The following ATP6V1C2 variants were observed in gnomAD, a reference collection of about 807,000 sequenced individuals.
ATP6V1C2 encodes the protein ATPase H+ transporting V1 subunit C2, also known as V-type proton ATPase subunit C 2.
In ATP6V1C2, 45 loss-of-function variants were observed where a neutral mutation model predicts 56.8. The observed-to-expected ratio is 0.79, with a 90% CI of 0.62 to 1.02. The LOEUF is 1.02. ATP6V1C2 is among the 50% of genes least tolerant of loss of function. The pLI, the probability that ATP6V1C2 is intolerant of heterozygous loss-of-function variation, is 0.00. For missense variants in ATP6V1C2, 463 were observed against 519.7 expected (o/e 0.89, Z 1.06); for synonymous variants, 220 against 201.3 (o/e 1.09, Z -0.79).
At chr2:10,726,691 C>A in intron 3 of ATP6V1C2, 122 bp downstream of exon 3, 1 of 871,944 alleles carries the variant, frequency 1.1e-6, no homozygotes, top group Non-Finnish European at 1.9e-6. Context: ...CAAAAGTGAG[C>A]AGAGAAAACC....
At chr2:10,782,100 TA>T in intron 12 of ATP6V1C2, 142 bp from the exon 13 acceptor site, 1 of 938,394 alleles carries the variant, frequency 1.1e-6, no homozygotes, top group Non-Finnish European at 1.6e-6. Context: ...CCGCTGACCC[TA>T]GGCATTTTGC....
intron 3 of ATP6V1C2, among the ~76,000 whole-genome samples, chr2:10,728,406 G>A (rs1295901583): frequency 6.6e-6 from 1 of 152,158 alleles, no homozygotes; most frequent in Non-Finnish European, 1.5e-5. Flanking sequence ...TTGTACAAAT[G>A]ATAGCATATA....
intron 2 of ATP6V1C2, 103 bp downstream of exon 2, chr2:10,723,081 G>A: frequency 3.6e-6 from 5 of 1,407,996 alleles, no homozygotes; most frequent in Non-Finnish European, 4.8e-6. Context: ...AAGTATCAAG[G>A]CAAAGCAGGG....
At chr2:10,746,161 G>A (rs28877017) in intron 3 of ATP6V1C2, among the ~76,000 whole-genome samples, 4,666 of 151,780 alleles carry the variant, frequency 0.031, 227 homozygotes, top group African/African-American at 0.1. Flanking sequence ...CACCACACCC[G>A]GCTAATTTTT....
Position 10,742,006 on chromosome 2 carries a change from C to G in ATP6V1C2, c.198-11975C>G, listed in dbSNP as rs558719252. On this transcript the variant is annotated intron_variant, in intron 3 of 13. Coordinates refer to ENST00000272238, the MANE Select transcript of ATP6V1C2 (RefSeq NM_001039362.2). ...GCTCGCTGCAATCTCGCTTCCCGGGCTCAAGTGGTTCTCCTGCCTCAGCCT... is the reference window on the plus strand; with the variant it reads ...GCTCGCTGCAATCTCGCTTCCCGGGGTCAAGTGGTTCTCCTGCCTCAGCCT... 6.6e-5 allele frequency among the ~76,000 whole-genome samples: 10 copies of G among 152,038 alleles called. No individual in the cohort carries two copies. In the East Asian group the frequency reaches 1.9e-3, roughly 30 times the overall value.
At position 10,767,332 on chromosome 2, in the gene ATP6V1C2, T is replaced by G. The variant is rs893773184; in HGVS notation, c.379-1387T>G. Among the ~76,000 whole-genome samples, 22 of 151,782 alleles carry G rather than the reference T, an allele frequency of 1.4e-4. 1 individual carries two copies. Among genetic ancestry groups the G allele is most frequent in the South Asian group, 6.2e-4 (3 of 4,818 alleles). ...CACACTGCCATGCCTGGCTAACTTT[T>G]CTGTATTTTGAGTAGAGACAGGGTT... On this transcript the variant is annotated intron_variant, in intron 5 of 13. Coordinates refer to ENST00000272238, the MANE Select transcript of ATP6V1C2 (RefSeq NM_001039362.2).
intron 3 of ATP6V1C2, among the ~76,000 whole-genome samples, chr2:10,745,161 A>T (rs1572535777): frequency 2.2e-5 from 3 of 135,934 alleles, no homozygotes; most frequent in Non-Finnish European, 1.5e-5. Flanking sequence ...CTCCTGCCTC[A>T]GCCTCCCGAG....
At position 10,734,953 on chromosome 2, in the gene ATP6V1C2, G is replaced by A. The variant is rs368423512; in HGVS notation, c.197+8384G>A. On this transcript the variant is annotated intron_variant, in intron 3 of 13. Transcript: ENST00000272238. Reference sequence around the variant, plus strand: ...ACAAAAAATTAGCCAGGCATGGTGGGGTGTGACTGTATGCCCCACTACTCA... The same window carrying A: ...ACAAAAAATTAGCCAGGCATGGTGGAGTGTGACTGTATGCCCCACTACTCA... Among the ~76,000 whole-genome samples, 11 of 152,128 alleles carry A rather than the reference G, an allele frequency of 7.2e-5. No individual in the cohort carries two copies. The South Asian group carries it at 1.5e-3, about 20-fold the overall frequency.
In ATP6V1C2 at chr2:10,771,927, A is replaced by G. The variant is rs1320458909; in HGVS notation, c.559A>G (p.Ile187Val). ...DSEYLVTLLV[I>V]VPKPNYSQWQ... ...TGAATATCTCGTCACACTTCTGGTC[A>G]TCGTCCCCAAGTGAGTGCTGGGCGA... The change falls in exon 7 of 14, where the codon ATC (isoleucine) becomes GTC (valine). Residue 187 changes from isoleucine (I) to valine (V), a missense_variant. Ile to Val is a conservative substitution (Grantham distance 29). Transcript: ENST00000272238. The G allele has an allele frequency of 1.2e-6, 2 of 1,613,836 alleles. No individual in the cohort carries two copies. Among genetic ancestry groups the G allele is most frequent in the East Asian group, 2.2e-5 (1 of 44,878 alleles).
rs1461918169 is a variant in ATP6V1C2 at position 10,778,613 on chromosome 2, C to T, written c.1005C>T (p.Ala335=). The T allele has an allele frequency of 7.4e-6, 12 of 1,614,118 alleles. No homozygotes were observed. Among genetic ancestry groups the T allele is most frequent in the Admixed American group, 1.7e-5 (1 of 60,008 alleles). ...LRWLKVNFSE[A]FIAWIHIKAL... is the part of the protein sequence containing the mutation. ...GGCTCAAGGTGAACTTCAGTGAAGC[C>T]TTCATTGCCTGGATCCACATCAAGG... Residue 335 remains alanine, a synonymous_variant, in exon 12 of 14, where the codon GCC becomes GCT. Transcript: ENST00000272238.
At position 10,731,991 on chromosome 2, in the gene ATP6V1C2, GA is replaced by G. The variant is rs372717221; in HGVS notation, c.197+5433del. Among the ~76,000 whole-genome samples the G allele has an allele frequency of 1.3e-3, 179 of 142,370 alleles. 2 individuals carry two copies. The highest frequency in any genetic ancestry group is 4.7e-3 in the South Asian group (21 of 4,476). 93.4% of individuals were successfully genotyped at this position (142,370 alleles called of 152,430 possible). ...CTGTCTCAGGAAGAAAAGAATAAAAGAAAAAAAAAAAGTGTGAATAGTTCCC... is the reference window on the plus strand; with the variant it reads ...CTGTCTCAGGAAGAAAAGAATAAAAGAAAAAAAAAAGTGTGAATAGTTCCC... On this transcript the variant is annotated intron_variant, in intron 3 of 13. Transcript: ENST00000272238.
chr2:10,724,014 G>A (rs1355934935), intron 2 of ATP6V1C2, among the ~76,000 whole-genome samples: 2 of 151,672 alleles, frequency 1.3e-5, no homozygotes, highest in South Asian at 2.1e-4. Flanking sequence ...CACCTGCCTC[G>A]GCCTCCCAAA....
intron 10 of ATP6V1C2, among the ~76,000 whole-genome samples, chr2:10,776,670 C>T (rs576605072): frequency 3.9e-5 from 6 of 152,322 alleles, no homozygotes; most frequent in Admixed American, 6.5e-5. Flanking sequence ...GGGGCTAGAC[C>T]GTGGCAGCCT....
At chr2:10,722,200 C>T (rs1047500585) in intron 1 of ATP6V1C2, among the ~76,000 whole-genome samples, 39 of 152,212 alleles carry the variant, frequency 2.6e-4, no homozygotes, top group African/African-American at 8.7e-4. Flanking sequence ...CAGACGCGGC[C>T]GCGAAACCAC....
rs1665263845 is a variant in ATP6V1C2 at position 10,780,216 on chromosome 2, T to C, written c.1061+1547T>C. Among the ~76,000 whole-genome samples the C allele has an allele frequency of 6.6e-6, 1 of 152,214 alleles. No homozygotes were observed. Among genetic ancestry groups the C allele is most frequent in the Non-Finnish European group, 1.5e-5 (1 of 68,036 alleles). On this transcript the variant is annotated intron_variant, in intron 12 of 13. Coordinates refer to ENST00000272238, the MANE Select transcript of ATP6V1C2 (RefSeq NM_001039362.2). The surrounding 1 kb of genome is among the most constrained non-coding windows in gnomAD (Gnocchi z 4.1). The stretch of plus-strand genomic sequence containing the variant: ...TCCCGCACCCCTTCCTCTGCTTCCC[T>C]GTTTCTGCCAGTGGCCTCCTCATCC...
In ATP6V1C2 at chr2:10,784,032, G is replaced by C. The variant is rs1665568349; in HGVS notation, c.*769G>C. On this transcript the variant is annotated 3_prime_UTR_variant, in exon 14 of 14. Transcript: ENST00000272238. The stretch of plus-strand genomic sequence containing the variant: ...GTTTTCTTCAAAATATTATGTGACA[G>C]AATACGACTCAATTCACCGGCTACA... 1 of 377,182 alleles carries C rather than the reference G, an allele frequency of 2.7e-6. No individual in the cohort carries two copies. The highest frequency in any genetic ancestry group is 2.1e-5 in the African/African-American group (1 of 48,106). 23.4% of individuals were successfully genotyped at this position (377,182 alleles called of 1,614,324 possible).
intron 3 of ATP6V1C2, among the ~76,000 whole-genome samples, chr2:10,750,282 C>T (rs61420335): frequency 0.018 from 2,725 of 151,958 alleles, 79 homozygotes; most frequent in African/African-American, 0.062. Flanking sequence ...TTTGGGAGGC[C>T]GAGGCAGGTG....
chr2:10,747,447 G>A (rs781767553), intron 3 of ATP6V1C2, among the ~76,000 whole-genome samples: 2 of 152,112 alleles, frequency 1.3e-5, no homozygotes, highest in African/African-American at 4.8e-5. Flanking sequence ...ACTTTAGGGT[G>A]TATTTCTTAA....
rs1211147685 is a variant in ATP6V1C2, at chr2:10,752,944, C to T, written c.198-1037C>T. ...CCGGGAGGCGGAGGTTGCAGTGAGT[C>T]GAGATTGCACCACTACACTCCAGCC... is the stretch of plus-strand genomic sequence containing the variant. On this transcript the variant is annotated intron_variant, in intron 3 of 13. Coordinates refer to ENST00000272238, the MANE Select transcript of ATP6V1C2 (RefSeq NM_001039362.2). 7.2e-5 allele frequency among the ~76,000 whole-genome samples: 11 copies of T among 152,062 alleles called. No homozygotes were observed. The East Asian group carries it at 1.9e-3, about 27-fold the overall frequency.
Sources: allele counts gnomAD v4.1 joint callset (sites outside exome capture counted in the v4.1 genomes callset), GRCh38; gene constraint gnomAD v4.1.1; non-coding constraint Gnocchi (gnomAD v3.1); transcripts MANE v1.5; gene names NCBI Gene and HGNC (gene_info 2026-07-23, HGNC 2026-07-21).